NLGN1: variants seen among roughly 807,000 people sequenced by gnomAD.
NLGN1 encodes the protein neuroligin 1, also known as neuroligin-1.
NLGN1 carries 12 observed loss-of-function variants against 65.5 expected under a neutral mutation model. That is an observed-to-expected ratio of 0.18 (90% CI 0.12 to 0.30). The LOEUF (loss-of-function observed/expected upper bound fraction) is 0.30, where lower values mean the gene tolerates loss of function less well. Among genes scored for constraint, NLGN1 ranks in the 10% least tolerant of loss-of-function variants. NLGN1 has a pLI of 1.00. For missense variants in NLGN1, 750 were observed against 1,007.1 expected (o/e 0.74, Z 3.46); for synonymous variants, 350 against 359.5 (o/e 0.97, Z 0.30).
In NLGN1 at chr3:173,690,263, C is replaced by T. The variant is rs138987842; in HGVS notation, c.493+85172C>T. On this transcript the variant is annotated intron_variant, in intron 3 of 6. Coordinates refer to ENST00000457714, the Ensembl canonical transcript of NLGN1. ...AAAGTCTCTACTCAAGTGAAGAGGA[C>T]TGCTGACCACAACATCATGACTTAC... Among the ~76,000 whole-genome samples the T allele has an allele frequency of 1.4e-3, 216 of 152,298 alleles. 1 individual carries two copies. Among genetic ancestry groups the T allele is most frequent in the Admixed American group, 2.7e-3 (41 of 15,272 alleles).
At position 173,845,606 on chromosome 3, in the gene NLGN1, G is replaced by GGATAGATAGATAGATA. The variant is rs10546469; in HGVS notation, c.646+37803_646+37818dup. ...TGGATAGACAGATAGGTAGGTGGAT[G>GGATAGATAGATAGATA]GATAGATAGATAGATAGATAGATAG... On this transcript the variant is annotated intron_variant, in intron 4 of 6. Transcript: ENST00000457714. 3.1e-4 allele frequency among the ~76,000 whole-genome samples: 46 copies of GGATAGATAGATAGATA among 147,044 alleles called. 1 individual carries two copies. Among genetic ancestry groups the GGATAGATAGATAGATA allele is most frequent in the South Asian group, 1.1e-3 (5 of 4,556 alleles).
chr3:174,163,728 T>G (rs1395424871), intron 4 of NLGN1, among the ~76,000 whole-genome samples: 1 of 152,064 alleles, frequency 6.6e-6, no homozygotes, highest in East Asian at 1.9e-4. Flanking sequence ...ATAATGGCCT[T>G]CTGCTGCTTC....
rs144796112 is a variant in NLGN1 at position 173,667,119 on chromosome 3, A to G, written c.493+62028A>G. 1.2e-4 allele frequency among the ~76,000 whole-genome samples: 18 copies of G among 152,294 alleles called. No individual in the cohort carries two copies. In the East Asian group the frequency reaches 3.3e-3, roughly 28 times the overall value. On this transcript the variant is annotated intron_variant, in intron 3 of 6. Transcript: ENST00000457714. ...ATGCCAATAATTCTAAAGAAATATG[A>G]TAATTTTCATGGCAGAATATAGCTT...
intron 4 of NLGN1, among the ~76,000 whole-genome samples, chr3:174,241,825 AT>A (rs1270730492): frequency 6.6e-6 from 1 of 151,760 alleles, no homozygotes; most frequent in Non-Finnish European, 1.5e-5. Context: ...CGCCTGGATA[AT>A]TTTTTGTATT....
At chr3:174,189,676 G>A (rs556575187) in intron 4 of NLGN1, among the ~76,000 whole-genome samples, 92 of 151,820 alleles carry the variant, frequency 6.1e-4, no homozygotes, top group African/African-American at 2.1e-3. Flanking sequence ...CTAGTATTAT[G>A]TAAATGCATT....
In NLGN1 at chr3:173,968,687, C is replaced by CTTTTTTTTT. The variant is rs34662762; in HGVS notation, c.646+160876_646+160884dup. Reference sequence around the variant, plus strand: ...ACACCCCACAATTACTGAAAATAATCTTTTTTTTTTTTTTTTTTTTTTTTT... The same window carrying CTTTTTTTTT: ...ACACCCCACAATTACTGAAAATAATCTTTTTTTTTTTTTTTTTTTTTTTTTTTTTTTTTT... On this transcript the variant is annotated intron_variant, in intron 4 of 6. Transcript: ENST00000457714. Among the ~76,000 whole-genome samples the CTTTTTTTTT allele has an allele frequency of 3.7e-4, 22 of 59,474 alleles. 3 individuals carry two copies. Among genetic ancestry groups the CTTTTTTTTT allele is most frequent in the African/African-American group, 1.6e-3 (22 of 13,734 alleles). The allele number at this position is 59,474 out of a possible 152,430, so 39.0% of individuals were successfully genotyped here.
At chr3:173,816,040 AAT>A (rs1718977974) in intron 4 of NLGN1, among the ~76,000 whole-genome samples, 2 of 134,846 alleles carry the variant, frequency 1.5e-5, no homozygotes, top group African/African-American at 2.8e-5. Context: ...TTATAAATAT[AAT>A]ATAGTCAGTA....
intron 4 of NLGN1, among the ~76,000 whole-genome samples, chr3:174,057,126 A>AG (rs199782672): frequency 2.1e-5 from 3 of 145,268 alleles, no homozygotes; most frequent in Non-Finnish European, 3.0e-5. Flanking sequence ...TGGCAGACTG[A>AG]GGGGAAAAAA....
chr3:173,423,298 T>C (rs993266997), intron 1 of NLGN1, among the ~76,000 whole-genome samples: 1 of 152,116 alleles, frequency 6.6e-6, no homozygotes, highest in African/African-American at 2.4e-5. Context: ...TGCCCTTGGC[T>C]CCTCCCAAAT....
At chr3:174,230,669 G>A (rs2152816712) in intron 4 of NLGN1, among the ~76,000 whole-genome samples, 1 of 152,274 alleles carries the variant, frequency 6.6e-6, no homozygotes, top group South Asian at 2.1e-4. Context: ...ACACAAGCCT[G>A]TAGTTCCAGC....
chr3:174,232,274 G>A (rs1740851970), intron 4 of NLGN1, among the ~76,000 whole-genome samples: 1 of 152,170 alleles, frequency 6.6e-6, no homozygotes, highest in Non-Finnish European at 1.5e-5. Flanking sequence ...GATGAGCCAG[G>A]AGAAGGAATT....
chr3:174,288,599 A>C (rs1752395334), downstream of NLGN1, among the ~76,000 whole-genome samples: 3 of 151,478 alleles, frequency 2.0e-5, no homozygotes, highest in Admixed American at 1.3e-4. Flanking sequence ...TCCTGAAAGC[A>C]AAAAATCCCA....
exon 7 of NLGN1, chr3:174,281,193 A>G (rs1442831397): frequency 6.2e-7 from 1 of 1,613,226 alleles, no homozygotes; most frequent in Non-Finnish European, 8.5e-7. Context: ...TCCCAACACT[A>G]TACCAGGGAT....
chr3:173,805,739 AAC>A (rs1716497938), intron 3 of NLGN1, among the ~76,000 whole-genome samples: 1 of 152,194 alleles, frequency 6.6e-6, no homozygotes, highest in African/African-American at 2.4e-5. Context: ...GTCTGCTGTG[AAC>A]AGTCAGTTAA....
At chr3:173,830,945 A>G (rs144099435) in intron 4 of NLGN1, among the ~76,000 whole-genome samples, 28 of 152,338 alleles carry the variant, frequency 1.8e-4, no homozygotes, top group African/African-American at 6.5e-4. Context: ...ACAGAGTAAC[A>G]TCAATGAAGA....
At chr3:173,453,285 G>A (rs1382739440) in intron 2 of NLGN1, among the ~76,000 whole-genome samples, 1 of 151,786 alleles carries the variant, frequency 6.6e-6, no homozygotes, top group African/African-American at 2.4e-5. Context: ...GTTTTGTAGA[G>A]ATGGGATCTT....
chr3:173,814,979 T>TTTTTC (rs1046223679), intron 4 of NLGN1, among the ~76,000 whole-genome samples: 10 of 152,128 alleles, frequency 6.6e-5, no homozygotes, highest in East Asian at 1.9e-4. Flanking sequence ...TCCATTTCTT[T>TTTTTC]TTTTCTTTTC....
chr3:174,270,094 A>G (rs935329465), intron 4 of NLGN1, among the ~76,000 whole-genome samples: 1 of 142,680 alleles, frequency 7.0e-6, no homozygotes, highest in East Asian at 2.0e-4. Flanking sequence ...ATAATTTGCA[A>G]TTGTTTTCTC....
At position 173,406,409 on chromosome 3, in the gene NLGN1, C is replaced by T. The variant is rs1266896216; in HGVS notation, c.-390+7922C>T. On this transcript the variant is annotated intron_variant, in intron 1 of 6. Transcript: ENST00000457714. ...GTTTCCCTTTTTTATTTTATCATTA[C>T]TGAACCATATTTTATGATTCAGTAT... 2.0e-5 allele frequency among the ~76,000 whole-genome samples: 3 copies of T among 151,042 alleles called. No homozygotes were observed. The East Asian group carries it at 5.8e-4, about 29-fold the overall frequency.
Sources: allele counts gnomAD v4.1 joint callset (sites outside exome capture counted in the v4.1 genomes callset), GRCh38; gene constraint gnomAD v4.1.1; transcripts MANE v1.5; gene names NCBI Gene and HGNC (gene_info 2026-07-23, HGNC 2026-07-21).